CCDC85C: variants seen among roughly 807,000 people sequenced by gnomAD.
The protein encoded by CCDC85C is coiled-coil domain-containing protein 85C.
In CCDC85C, 18 loss-of-function variants were observed where a neutral mutation model predicts 38.3. The observed-to-expected ratio is 0.47, with a 90% confidence interval of 0.33 to 0.70. CCDC85C has a LOEUF of 0.70. Among genes scored for constraint, CCDC85C ranks in the 30% least tolerant of loss-of-function variants. The pLI, the probability that CCDC85C is intolerant of heterozygous loss-of-function variation, is 0.03. For synonymous variants in CCDC85C, 264 were observed against 293.8 expected (o/e 0.90, Z 1.04); for missense variants, 566 against 621.2 (o/e 0.91, Z 0.94).
intron 1 of CCDC85C, among the ~76,000 whole-genome samples, chr14:99,563,486 C>T (rs554103003): frequency 2.0e-5 from 3 of 152,378 alleles, no homozygotes; most frequent in Middle Eastern, 3.4e-3. Flanking sequence ...CAGGCAGCTT[C>T]GAGCACAACT....
chr14:99,526,421 G>T (rs1897384684), intron 2 of CCDC85C, among the ~76,000 whole-genome samples: 1 of 152,240 alleles, frequency 6.6e-6, no homozygotes, highest in Non-Finnish European at 1.5e-5. Context: ...ATGGGAGCCA[G>T]GTTGGAGGAC....
intron 1 of CCDC85C, among the ~76,000 whole-genome samples, chr14:99,537,994 C>T (rs1897638205): frequency 6.6e-6 from 1 of 152,208 alleles, no homozygotes; most frequent in African/African-American, 2.4e-5. Flanking sequence ...TCCAGAGACC[C>T]TTCCGGCTCC....
intron 1 of CCDC85C, among the ~76,000 whole-genome samples, chr14:99,546,053 T>G (rs889038206): frequency 5.7e-5 from 8 of 141,466 alleles, no homozygotes; most frequent in Admixed American, 2.0e-4. Flanking sequence ...GACTGAAGTC[T>G]GCATGGGGGG....
chr14:99,581,127 G>A (rs1044844439), intron 1 of CCDC85C, among the ~76,000 whole-genome samples: 2 of 152,104 alleles, frequency 1.3e-5, no homozygotes, highest in Non-Finnish European at 2.9e-5. Context: ...GCAAAGAGGA[G>A]GAGTGGGAGG....
At chr14:99,602,675 T>C (rs2055213420) in intron 1 of CCDC85C, among the ~76,000 whole-genome samples, 1 of 152,058 alleles carries the variant, frequency 6.6e-6, no homozygotes. Flanking sequence ...CCTGTGCACC[T>C]TCCCAATCCC....
At position 99,538,592 on chromosome 14, in the gene CCDC85C, C is replaced by T. The variant is rs140182460; in HGVS notation, c.794-2504G>A. On this transcript the variant is annotated intron_variant, in intron 1 of 5. Transcript: ENST00000380243. ...AGGAGGTGGGTGCACTTTCAGCCCACCCGCCTCCCCCTGCTGGTTCCCACA... is the reference window on the plus strand; with the variant it reads ...AGGAGGTGGGTGCACTTTCAGCCCATCCGCCTCCCCCTGCTGGTTCCCACA... Among the ~76,000 whole-genome samples the T allele has an allele frequency of 8.7e-4, 132 of 152,338 alleles. No individual in the cohort carries two copies. The East Asian group carries it at 0.023, about 27-fold the overall frequency.
intron 3 of CCDC85C, 25 bp from the exon 4 acceptor site, chr14:99,517,208 A>G: frequency 6.7e-7 from 1 of 1,492,604 alleles, no homozygotes. Context: ...CACACATCTC[A>G]GCTCACCCTG....
chr14:99,532,155 G>A (rs779554881), intron 2 of CCDC85C, among the ~76,000 whole-genome samples: 1 of 152,220 alleles, frequency 6.6e-6, no homozygotes, highest in Admixed American at 6.5e-5. Flanking sequence ...ATCCACAAGG[G>A]TGGGTCATGA....
intron 1 of CCDC85C, among the ~76,000 whole-genome samples, chr14:99,571,159 T>C (rs2400753): frequency 0.57 from 86,972 of 151,504 alleles, 25,021 homozygotes; most frequent in African/African-American, 0.62. Flanking sequence ...ACAAAGGCAG[T>C]GCAGTGAGGG....
At chr14:99,534,146 G>A (rs755985678) in intron 2 of CCDC85C, among the ~76,000 whole-genome samples, 2 of 152,046 alleles carry the variant, frequency 1.3e-5, no homozygotes, top group African/African-American at 2.4e-5. Flanking sequence ...ACCTGAGGTC[G>A]GGAGTTCGAG....
intron 1 of CCDC85C, among the ~76,000 whole-genome samples, chr14:99,599,160 C>A (rs1174363546): frequency 6.6e-6 from 1 of 152,262 alleles, no homozygotes; most frequent in African/African-American, 2.4e-5. Flanking sequence ...AAGGCCCAGA[C>A]CACCCCGTTC....
rs1361281461 is a variant in CCDC85C, at chr14:99,533,937, G to A, written c.867+2078C>T. On this transcript the variant is annotated intron_variant, in intron 2 of 5. Transcript: ENST00000380243. The surrounding 1 kb of genome is among the most constrained non-coding windows in gnomAD (Gnocchi z 4.2). ...CTGCAAGTCCGTGGTCAGGAACTGG[G>A]GTGTATTTTTCCAGTGGGACACTGT... Among the ~76,000 whole-genome samples the A allele has an allele frequency of 1.3e-5, 2 of 152,234 alleles. No individual in the cohort carries two copies. Among genetic ancestry groups the A allele is most frequent in the South Asian group, 2.1e-4 (1 of 4,834 alleles).
At chr14:99,561,885 C>A (rs1477589671) in intron 1 of CCDC85C, among the ~76,000 whole-genome samples, 1 of 152,188 alleles carries the variant, frequency 6.6e-6, no homozygotes. Flanking sequence ...AAACGAAACT[C>A]CACTCAGTAG....
rs1897039468 is a variant in CCDC85C at position 99,508,760 on chromosome 14, G to C, written c.*6486C>G. On this transcript the variant is annotated 3_prime_UTR_variant, in exon 6 of 6. Transcript: ENST00000380243. ...AGCTCAGTCACACAGCACAAGGGCA[G>C]GCACACTGGTGACTTGAAGATTCAG... 1 of 152,468 alleles carries C rather than the reference G, an allele frequency of 6.6e-6. No individual in the cohort carries two copies. The allele number at this position is 152,468 out of a possible 1,614,324, so 9.4% of individuals were successfully genotyped here.
rs148799117 is a variant in CCDC85C, at chr14:99,509,084, G to C, written c.*6162C>G. The C allele has an allele frequency of 2.6e-5, 4 of 152,320 alleles. No homozygotes were observed. Among genetic ancestry groups the C allele is most frequent in the Non-Finnish European group, 5.9e-5 (4 of 68,042 alleles). The allele number at this position is 152,320 out of a possible 1,614,324, so 9.4% of individuals were successfully genotyped here. On this transcript the variant is annotated 3_prime_UTR_variant, in exon 6 of 6. Coordinates refer to ENST00000380243, the MANE Select transcript of CCDC85C (RefSeq NM_001144995.2). ...ATGAAATCCTGCTCATGCTCGCTTT[G>C]GCAAGATCAAACGGGTTGTGTGCCA...
Position 99,504,058 on chromosome 14 carries a change from G to A in CCDC85C, c.*11188C>T. On this transcript the variant is annotated 3_prime_UTR_variant, in exon 6 of 6. Transcript: ENST00000380243. ...GCCCGGACAGCACCAGCCCGGCCCAGCCCAGCTGCCCTTGCAGGCAAGGCC... is the reference window on the plus strand; with the variant it reads ...GCCCGGACAGCACCAGCCCGGCCCAACCCAGCTGCCCTTGCAGGCAAGGCC... 2.6e-6 allele frequency: 1 copy of A among 383,092 alleles called. No individual in the cohort carries two copies. Among genetic ancestry groups the A allele is most frequent in the Admixed American group, 3.3e-5 (1 of 30,252 alleles). 23.7% of individuals were successfully genotyped at this position (383,092 alleles called of 1,614,324 possible).
intron 1 of CCDC85C, among the ~76,000 whole-genome samples, chr14:99,543,232 AAG>A (rs1238770400): frequency 1.3e-5 from 2 of 152,184 alleles, no homozygotes; most frequent in Non-Finnish European, 2.9e-5. Flanking sequence ...CCAGTGCCAG[AAG>A]AGCTAACTCT....
intron 2 of CCDC85C, among the ~76,000 whole-genome samples, chr14:99,532,104 G>T (rs1365365341): frequency 6.6e-6 from 1 of 152,194 alleles, no homozygotes; most frequent in African/African-American, 2.4e-5. Flanking sequence ...CTGCAGCCCT[G>T]TCCTGGAGAA....
intron 2 of CCDC85C, among the ~76,000 whole-genome samples, chr14:99,534,081 C>T (rs979764541): frequency 1.3e-5 from 2 of 152,140 alleles, no homozygotes; most frequent in Admixed American, 1.3e-4. Context: ...CAGGGCCGGG[C>T]GTGGTGGCTC....
Sources: gnomAD v4.1 joint callset for allele counts (sites outside exome capture counted in the v4.1 genomes callset) on GRCh38, gnomAD v4.1.1 for gene constraint, Gnocchi (gnomAD v3.1) non-coding constraint, MANE v1.5 for transcripts, NCBI Gene and HGNC (gene_info 2026-07-23, HGNC 2026-07-21) for gene names.